Variants in ELFN1 observed in about 807,000 individuals in gnomAD.
The protein encoded by ELFN1 is extracellular leucine rich repeat and fibronectin type III domain containing 1, also known as protein ELFN1.
ELFN1 carries 6 observed loss-of-function variants against 7.6 expected under a neutral mutation model. That is an observed-to-expected ratio of 0.79 (90% CI 0.43 to 1.56). The LOEUF (loss-of-function observed/expected upper bound fraction) is 1.56, where lower values mean the gene tolerates loss of function less well. Ranked by LOEUF, ELFN1 falls within the 40% of genes most tolerant of loss-of-function variation. The probability of loss-of-function intolerance (pLI) is 0.01; values close to 1 mark genes in which losing one functional copy is unlikely to be tolerated. For synonymous variants in ELFN1, 657 were observed against 588.1 expected (o/e 1.12, Z -1.70); for missense variants, 1,169 against 1,232.2 (o/e 0.95, Z 0.77).
chr7:1,747,321 C>CACACACAT lies in ELFN1; in HGVS notation c.*245_*246insTACACACA. 3.4e-6 allele frequency: 1 copy of CACACACAT among 292,904 alleles called. No homozygotes were observed. Among genetic ancestry groups the CACACACAT allele is most frequent in the Non-Finnish European group, 6.3e-6 (1 of 158,460 alleles). 18.1% of individuals were successfully genotyped at this position (292,904 alleles called of 1,614,324 possible). A position where few individuals can be genotyped will look rare whatever the true frequency, so the allele number is the denominator to read the frequency against. On this transcript the variant is annotated 3_prime_UTR_variant, in exon 4 of 4. Transcript: ENST00000424383. ...ACGTGTCCACACACACACACACACA[C>CACACACAT]ACACACACACACACGAGGGACTTCG...
chr7:1,743,083 AGTG>A (rs1189627096), intron 3 of ELFN1, among the ~76,000 whole-genome samples: 2 of 107,004 alleles, frequency 1.9e-5, no homozygotes, highest in Non-Finnish European at 3.9e-5. Flanking sequence ...TCTCGAGGGT[AGTG>A]GTGGGGGGGT....
At position 1,746,668 on chromosome 7, in the gene ELFN1, G is replaced by A. The variant is rs1780806880; in HGVS notation, c.2072G>A (p.Arg691Gln). The change falls in exon 4 of 4, where the codon CGG (arginine) becomes CAG (glutamine). Residue 691 changes from arginine (R) to glutamine (Q), a missense_variant. Physicochemically the swap from Arg to Gln is conservative, Grantham distance 43. Around this residue, in one of 2 missense-constraint regions of ELFN1, gnomAD observed 914 missense variants for 872.6 expected, o/e 1.05. Coordinates refer to ENST00000424383, the MANE Select transcript of ELFN1 (RefSeq NM_001128636.4). Reference sequence around the variant, plus strand: ...GTGACACCCGCGGCCGCCGTGCTGCGGGCCGAGGCCGAGAAGGGTCGCCAG... The same window carrying A: ...GTGACACCCGCGGCCGCCGTGCTGCAGGCCGAGGCCGAGAAGGGTCGCCAG... Reference protein sequence around the residue: ...LTVTPAAAVLRAEAEKGRQYG... With the variant: ...LTVTPAAAVLQAEAEKGRQYG... The A allele has an allele frequency of 9.4e-6, 13 of 1,382,320 alleles. No individual in the cohort carries two copies. Among genetic ancestry groups the A allele is most frequent in the South Asian group, 7.8e-5 (5 of 64,464 alleles). 85.6% of individuals were successfully genotyped at this position (1,382,320 alleles called of 1,614,324 possible).
intron 1 of ELFN1, among the ~76,000 whole-genome samples, chr7:1,682,226 C>T (rs563465859): frequency 6.6e-5 from 10 of 152,280 alleles, no homozygotes; most frequent in East Asian, 3.9e-4. Context: ...TCTTCTAGGA[C>T]GTTTATAGCC....
intron 2 of ELFN1, chr7:1,693,897 C>G: frequency 2.4e-6 from 1 of 409,052 alleles, no homozygotes; most frequent in Non-Finnish European, 5.1e-6. Flanking sequence ...CCAGTCCATG[C>G]CACCTCCTCC....
chr7:1,747,062 G>T lies in ELFN1; in HGVS notation c.2466G>T (p.Val822=). The change falls in exon 4 of 4, where the codon GTG becomes GTT. Residue 822 remains valine, a synonymous_variant. Transcript: ENST00000424383. ...LHDILDYWKG[V]SAQHKS ...ACATCCTGGACTACTGGAAGGGCGT[G>T]TCGGCCCAGCACAAGTCCTGAGCCC... is the stretch of plus-strand genomic sequence containing the variant. 6.6e-7 allele frequency: 1 copy of T among 1,518,576 alleles called. No homozygotes were observed. Among genetic ancestry groups the T allele is most frequent in the Non-Finnish European group, 8.9e-7 (1 of 1,126,976 alleles). The allele number at this position is 1,518,576 out of a possible 1,614,324, so 94.1% of individuals were successfully genotyped here.
At position 1,739,999 on chromosome 7, in the gene ELFN1, G is replaced by A. The variant is rs11975217; in HGVS notation, c.-293-4305G>A. Among the ~76,000 whole-genome samples, 32 of 152,348 alleles carry A rather than the reference G, an allele frequency of 2.1e-4. No homozygotes were observed. The highest frequency in any genetic ancestry group is 7.0e-4 in the African/African-American group (29 of 41,578). Reference sequence around the variant, plus strand: ...ACGAGTTCCAATACGGCAGCTACTAGCCACGTTTCTGGCACTCCAGAGCCA... The same window carrying A: ...ACGAGTTCCAATACGGCAGCTACTAACCACGTTTCTGGCACTCCAGAGCCA... On this transcript the variant is annotated intron_variant, in intron 3 of 3. Transcript: ENST00000424383. The surrounding 1 kb of genome is among the most constrained non-coding windows in gnomAD (Gnocchi z 4.6).
intron 2 of ELFN1, among the ~76,000 whole-genome samples, chr7:1,707,254 G>A (rs1462434719): frequency 6.6e-5 from 10 of 152,228 alleles, no homozygotes; most frequent in Admixed American, 6.5e-4. Context: ...TGGAAAGTCC[G>A]AGAGCAGCTG....
At chr7:1,672,268 C>A (rs1778782137) in intron 1 of ELFN1, among the ~76,000 whole-genome samples, 1 of 152,160 alleles carries the variant, frequency 6.6e-6, no homozygotes, top group African/African-American at 2.4e-5. Flanking sequence ...CCCTTCCCCA[C>A]CATGCCCCAG....
chr7:1,742,788 C>A (rs961742857), intron 3 of ELFN1, among the ~76,000 whole-genome samples: 9 of 152,212 alleles, frequency 5.9e-5, no homozygotes, highest in Admixed American at 5.9e-4. Flanking sequence ...AGACTCTTCT[C>A]CAGGAGCCGG....
At chr7:1,706,616 C>T (rs542041149) in intron 2 of ELFN1, among the ~76,000 whole-genome samples, 91 of 152,310 alleles carry the variant, frequency 6.0e-4, no homozygotes, top group Middle Eastern at 3.4e-3. Context: ...ACCAGTGACC[C>T]CACGAATGCC....
At chr7:1,704,560 C>T (rs967191104) in intron 2 of ELFN1, among the ~76,000 whole-genome samples, 1 of 152,172 alleles carries the variant, frequency 6.6e-6, no homozygotes, top group Non-Finnish European at 1.5e-5. Flanking sequence ...CTCCCCACCC[C>T]AGGAGGCTCC....
upstream of ELFN1, among the ~76,000 whole-genome samples, chr7:1,666,616 A>G (rs1439232396): frequency 6.6e-6 from 1 of 151,970 alleles, no homozygotes; most frequent in African/African-American, 2.4e-5. The surrounding 1 kb of genome is among the most constrained non-coding windows in gnomAD (Gnocchi z 7.9). Context: ...CGCTGAGAGC[A>G]AAAAGCCGGC....
chr7:1,712,119 G>A (rs1313427887), intron 3 of ELFN1, among the ~76,000 whole-genome samples: 4 of 152,222 alleles, frequency 2.6e-5, no homozygotes, highest in Non-Finnish European at 4.4e-5. Context: ...CCCTCTCTGT[G>A]TCTTTTCGTG....
chr7:1,684,262 T>C (rs1779022418), intron 1 of ELFN1, among the ~76,000 whole-genome samples: 1 of 152,228 alleles, frequency 6.6e-6, no homozygotes, highest in Non-Finnish European at 1.5e-5. Context: ...TCGATCCTTT[T>C]ATTTTCAACA....
upstream of ELFN1, among the ~76,000 whole-genome samples, chr7:1,666,417 C>T (rs1283300299): frequency 6.6e-6 from 1 of 152,012 alleles, no homozygotes; most frequent in African/African-American, 2.4e-5. The surrounding 1 kb of genome is among the most constrained non-coding windows in gnomAD (Gnocchi z 7.9). Context: ...GGATGCGGCG[C>T]TCGGGGCCCG....
intron 3 of ELFN1, among the ~76,000 whole-genome samples, chr7:1,714,524 A>C (rs1220470274): frequency 1.3e-5 from 2 of 152,260 alleles, no homozygotes; most frequent in African/African-American, 4.8e-5. Context: ...CTCTCTTGCC[A>C]TAAATAGAAT....
In ELFN1 at chr7:1,747,244, C is replaced by T. The variant is rs954555192; in HGVS notation, c.*161C>T. On this transcript the variant is annotated 3_prime_UTR_variant, in exon 4 of 4. Transcript: ENST00000424383. Reference sequence around the variant, plus strand: ...CGAGTGGGGACAGACAAGGGGGACACGTCCCGAGCTCCTGTGGCCGGTCCT... The same window carrying T: ...CGAGTGGGGACAGACAAGGGGGACATGTCCCGAGCTCCTGTGGCCGGTCCT... 7 of 816,388 alleles carry T rather than the reference C, an allele frequency of 8.6e-6. No individual in the cohort carries two copies. The highest frequency in any genetic ancestry group is 3.1e-5 in the East Asian group (1 of 32,144). The allele number at this position is 816,388 out of a possible 1,614,324, so 50.6% of individuals were successfully genotyped here.
At chr7:1,742,034 A>G (rs902348086) in intron 3 of ELFN1, among the ~76,000 whole-genome samples, 1 of 152,172 alleles carries the variant, frequency 6.6e-6, no homozygotes, top group African/African-American at 2.4e-5. Context: ...GTGTGGGTGG[A>G]CACAGGTATA....
At chr7:1,708,649 T>A (rs1378851548) in intron 2 of ELFN1, among the ~76,000 whole-genome samples, 1 of 152,130 alleles carries the variant, frequency 6.6e-6, no homozygotes, top group Non-Finnish European at 1.5e-5. Flanking sequence ...CTTCACCTCC[T>A]GGAGGGATGT....
Sources: gnomAD v4.1 joint callset for allele counts (sites outside exome capture counted in the v4.1 genomes callset) on GRCh38, gnomAD v4.1.1 for gene constraint, gnomAD v4.1.1 regional missense constraint, Gnocchi (gnomAD v3.1) non-coding constraint, MANE v1.5 for transcripts, NCBI Gene and HGNC (gene_info 2026-07-23, HGNC 2026-07-21) for gene names.